RNF31: variants seen among roughly 807,000 people sequenced by gnomAD.
RNF31 encodes the protein E3 ubiquitin-protein ligase RNF31.
RNF31 carries 38 observed loss-of-function variants against 133.6 expected under a neutral mutation model. The observed-to-expected ratio is 0.28, with a 90% CI of 0.22 to 0.37. The LOEUF (loss-of-function observed/expected upper bound fraction) is 0.37. Ranked by LOEUF, RNF31 falls within the 10% of genes least tolerant of loss-of-function variation. The probability of loss-of-function intolerance (pLI) is 1.00; values close to 1 mark genes in which losing one functional copy is unlikely to be tolerated. For synonymous variants in RNF31, 582 were observed against 552.3 expected (o/e 1.05, Z -0.75); for missense variants, 1,118 against 1,394.1 (o/e 0.80, Z 3.15).
rs2038267948 is a variant in RNF31 at position 24,151,613 on chromosome 14, G to C, written c.1866G>C (p.Gln622His). Reference sequence around the variant, plus strand: ...GCCAACGCCTAGAGCCCTTCCGCCAGCGCCTCTGGGACAGTGGCCCTGAGC... The same window carrying C: ...GCCAACGCCTAGAGCCCTTCCGCCACCGCCTCTGGGACAGTGGCCCTGAGC... ...LQRQRLEPFR[Q>H]RLWDSGPEPT... Residue 622 changes from glutamine (Q) to histidine (H), a missense_variant, in exon 10 of 21, where the codon CAG becomes CAC. Physicochemically the swap from Gln to His is conservative, Grantham distance 24. Transcript: ENST00000324103. The surrounding 1 kb of genome is among the most constrained non-coding windows in gnomAD (Gnocchi z 5.3). 8.7e-6 allele frequency: 14 copies of C among 1,613,594 alleles called. No individual in the cohort carries two copies. In the East Asian group the frequency reaches 3.1e-4, roughly 36 times the overall value.
chr14:24,160,285 C>G lies in RNF31; in HGVS notation c.3043C>G (p.Leu1015Val). 1 of 1,614,182 alleles carries G rather than the reference C, an allele frequency of 6.2e-7. No homozygotes were observed. The highest frequency in any genetic ancestry group is 8.5e-7 in the Non-Finnish European group (1 of 1,180,032). ...YLVSLINAHS[L>V]DPATLYEVEE... is the part of the protein sequence containing the mutation. ...TGTGAGCCTCATCAATGCCCACTCG[C>G]TGGACCCAGCCACCTTGTATGAGGT... The change falls in exon 20 of 21, where the codon CTG becomes GTG. Residue 1015 changes from leucine (L) to valine (V), a missense_variant. Physicochemically the swap from Leu to Val is conservative, Grantham distance 32 (BLOSUM62 1). Around this residue, in one of 3 missense-constraint regions of RNF31, gnomAD observed 170 missense variants for 194.5 expected, o/e 0.87. Coordinates refer to ENST00000324103, the MANE Select transcript of RNF31 (RefSeq NM_017999.5). The surrounding 1 kb of genome is among the most constrained non-coding windows in gnomAD (Gnocchi z 4.0).
Position 24,151,271 on chromosome 14 carries a change from C to T in RNF31, c.1629C>T (p.Asp543=). The change falls in exon 9 of 21, where the codon GAC becomes GAT. Residue 543 remains aspartate, a synonymous_variant. Transcript: ENST00000324103. This position sits in a 1 kb window ranked among gnomAD's most constrained non-coding sequence, Gnocchi z 5.3. The stretch of plus-strand genomic sequence containing the variant: ...TGGCTGAGCTGGCTGGACAGCAGGA[C>T]CCTGGGCTGGGTGCCTTTTCCTGTC... ...EMVAELAGQQ[D]PGLGAFSCQE... 1.2e-6 allele frequency: 2 copies of T among 1,614,204 alleles called. No homozygotes were observed. The highest frequency in any genetic ancestry group is 1.1e-5 in the South Asian group (1 of 91,088).
In RNF31 at chr14:24,157,369, A is replaced by G; in HGVS notation, c.2573A>G (p.Gln858Arg). The G allele has an allele frequency of 6.2e-7, 1 of 1,611,982 alleles. No individual in the cohort carries two copies. The highest frequency in any genetic ancestry group is 8.5e-7 in the Non-Finnish European group (1 of 1,178,234). ...ATGAACGACCCAGAATACCAGGCCC[A>G]GGGCCTAGCAATGTATCTTCAGGAA... ...KRMNDPEYQA[Q>R]GLAMYLQENG... Residue 858 changes from glutamine to arginine, a missense_variant, in exon 15 of 21, where the codon CAG (glutamine) becomes CGG (arginine). Physicochemically the swap from Gln to Arg is conservative, Grantham distance 43. Coordinates refer to ENST00000324103, the MANE Select transcript of RNF31 (RefSeq NM_017999.5).
chr14:24,150,730 G>GC lies in RNF31; in HGVS notation c.1336dup (p.Arg446ProfsTer21), dbSNP rs758350558. The GC allele has an allele frequency of 6.2e-7, 1 of 1,613,030 alleles. No homozygotes were observed. Among genetic ancestry groups the GC allele is most frequent in the Non-Finnish European group, 8.5e-7 (1 of 1,179,674 alleles). ...TAGTAGCCCCATTCCAGCACAACAT[G>GC]CCCCCCGGCCCTATGCCAGCTCTTT... On this transcript the variant is annotated frameshift_variant, in exon 8 of 21. Transcript: ENST00000324103. LOFTEE classifies it high-confidence loss of function.
In RNF31 at chr14:24,160,300, T is replaced by G. The variant is rs757770815; in HGVS notation, c.3058T>G (p.Leu1020Val). 1.9e-6 allele frequency: 3 copies of G among 1,614,178 alleles called. No homozygotes were observed. The highest frequency in any genetic ancestry group is 2.5e-6 in the Non-Finnish European group (3 of 1,180,014). The change falls in exon 20 of 21, where the codon TTG (leucine) becomes GTG (valine). Residue 1020 changes from leucine to valine, a missense_variant. Leu to Val is a conservative substitution (Grantham distance 32). Transcript: ENST00000324103. The surrounding 1 kb of genome is among the most constrained non-coding windows in gnomAD (Gnocchi z 4.0). ...TGCCCACTCGCTGGACCCAGCCACCTTGTATGAGGTGGAAGAGCTGGAGAC... is the reference window on the plus strand; with the variant it reads ...TGCCCACTCGCTGGACCCAGCCACCGTGTATGAGGTGGAAGAGCTGGAGAC... The part of the protein sequence containing the change: ...INAHSLDPAT[L>V]YEVEELETAT...
rs534130315 is a variant in RNF31, at chr14:24,159,111, G to A, written c.2900-753G>A. Among the ~76,000 whole-genome samples the A allele has an allele frequency of 1.3e-3, 189 of 149,514 alleles. 4 individuals carry two copies. The highest frequency in any genetic ancestry group is 0.012 in the Admixed American group (181 of 14,948). On this transcript the variant is annotated intron_variant, in intron 18 of 20. Coordinates refer to ENST00000324103, the MANE Select transcript of RNF31 (RefSeq NM_017999.5). The stretch of plus-strand genomic sequence containing the variant: ...TGTAATCTCAGCACTTTGGGAGGCC[G>A]AGGCAGGTGGATCACCTGACGTCAG...
intron 14 of RNF31, among the ~76,000 whole-genome samples, chr14:24,156,528 C>T (rs1241301453): frequency 3.3e-5 from 5 of 152,084 alleles, no homozygotes; most frequent in African/African-American, 4.8e-5. Context: ...GCCTGTAATC[C>T]CAGCACTTTG....
At chr14:24,158,289 C>T in intron 18 of RNF31, 90 bp downstream of exon 18, 1 of 1,241,464 alleles carries the variant, frequency 8.1e-7, no homozygotes. Flanking sequence ...GGTCTGGGGT[C>T]ACTTGTTGCA....
intron 5 of RNF31, chr14:24,149,151 T>C (rs2038225099): frequency 1.0e-5 from 6 of 593,358 alleles, no homozygotes; most frequent in South Asian, 2.1e-5. Context: ...TTGGTAGAGA[T>C]GGGGTTTCTC....
rs767697731 is a variant in RNF31 at position 24,155,343 on chromosome 14, C to T, written c.2304+13C>T. The T allele has an allele frequency of 4.3e-6, 7 of 1,614,184 alleles. No homozygotes were observed. The highest frequency in any genetic ancestry group is 3.3e-5 in the South Asian group (3 of 91,082). ...CCTTGACATCCAGGTACTGCAGCCCCTCTAGGACTCAGGTACCCTGAGCTT... is the reference window on the plus strand; with the variant it reads ...CCTTGACATCCAGGTACTGCAGCCCTTCTAGGACTCAGGTACCCTGAGCTT... On this transcript the variant is annotated intron_variant, in intron 12 of 20. Coordinates refer to ENST00000324103, the MANE Select transcript of RNF31 (RefSeq NM_017999.5). This position sits in a 1 kb window ranked among gnomAD's most constrained non-coding sequence, Gnocchi z 4.9.
chr14:24,149,963 G>C, intron 6 of RNF31, 98 bp from the exon 7 acceptor site: 1 of 1,396,792 alleles, frequency 7.2e-7, no homozygotes, highest in Non-Finnish European at 9.6e-7. Flanking sequence ...AAAGGCCAGT[G>C]ACATGAGTTG....
chr14:24,151,604 C>T lies in RNF31; in HGVS notation c.1857C>T (p.Pro619=), dbSNP rs1377649287. Residue 619 remains proline, a synonymous_variant, in exon 10 of 21, where the codon CCC becomes CCT. Transcript: ENST00000324103. This position sits in a 1 kb window ranked among gnomAD's most constrained non-coding sequence, Gnocchi z 5.3. The part of the protein sequence containing the change: ...LTELQRQRLE[P]FRQRLWDSGP... Reference sequence around the variant, plus strand: ...AGCTACAGCGCCAACGCCTAGAGCCCTTCCGCCAGCGCCTCTGGGACAGTG... The same window carrying T: ...AGCTACAGCGCCAACGCCTAGAGCCTTTCCGCCAGCGCCTCTGGGACAGTG... 1.2e-6 allele frequency: 2 copies of T among 1,613,836 alleles called. No individual in the cohort carries two copies. The highest frequency in any genetic ancestry group is 1.1e-5 in the South Asian group (1 of 91,088).
chr14:24,160,022 C>T lies in RNF31; in HGVS notation c.2996+62C>T, dbSNP rs764275774. 2 of 1,522,278 alleles carry T rather than the reference C, an allele frequency of 1.3e-6. No individual in the cohort carries two copies. The highest frequency in any genetic ancestry group is 1.8e-6 in the Non-Finnish European group (2 of 1,107,608). 94.3% of individuals were successfully genotyped at this position (1,522,278 alleles called of 1,614,324 possible). A position where few individuals can be genotyped will look rare whatever the true frequency, so the allele number is the denominator to read the frequency against. On this transcript the variant is annotated intron_variant, in intron 19 of 20. Coordinates refer to ENST00000324103, the MANE Select transcript of RNF31 (RefSeq NM_017999.5). This position sits in a 1 kb window ranked among gnomAD's most constrained non-coding sequence, Gnocchi z 4.0. The stretch of plus-strand genomic sequence containing the variant: ...GTGGGTAGAAGTGGTGAGGGCATGC[C>T]CAGGCAGTAAAATGGGTCCTTGGGA...
At chr14:24,150,021 G>A (rs2038238453) in intron 6 of RNF31, 40 bp from the exon 7 acceptor site, 1 of 1,518,966 alleles carries the variant, frequency 6.6e-7, no homozygotes, top group African/African-American at 1.4e-5. Flanking sequence ...CCAGGCACCA[G>A]GTGCCACTTC....
chr14:24,158,782 A>AT (rs1231903221), intron 18 of RNF31: 8 of 152,232 alleles, frequency 5.3e-5, no homozygotes, highest in African/African-American at 1.7e-4. Context: ...CATGCCTGTA[A>AT]TCCCAGCACT....
chr14:24,148,205 G>C (rs924599380), intron 2 of RNF31, 53 bp from the exon 3 acceptor site: 9 of 1,613,644 alleles, frequency 5.6e-6, no homozygotes, highest in Non-Finnish European at 6.8e-6. Flanking sequence ...AAGGGGTCCA[G>C]CCCTACTAGG....
In RNF31 at chr14:24,148,014, C is replaced by T. The variant is rs1334855933; in HGVS notation, c.231C>T (p.Asn77=). The change falls in exon 2 of 21, where the codon AAC becomes AAT. Residue 77 remains asparagine (N), a synonymous_variant. Transcript: ENST00000324103. ...TCAACACCCTGTCCACGGCTCTGAA[C>T]ATCCTGGAGAAATACGGCCGCAACC... The part of the protein sequence containing the change: ...NYLNTLSTAL[N]ILEKYGRNLL... 4 of 1,614,138 alleles carry T rather than the reference C, an allele frequency of 2.5e-6. No individual in the cohort carries two copies. Among genetic ancestry groups the T allele is most frequent in the South Asian group, 2.2e-5 (2 of 91,094 alleles).
intron 18 of RNF31, among the ~76,000 whole-genome samples, chr14:24,158,988 G>A (rs1187766691): frequency 5.2e-5 from 7 of 135,000 alleles, no homozygotes; most frequent in South Asian, 4.6e-4. Context: ...AGCAGAGATG[G>A]CGCCACCGCA....
chr14:24,155,665 G>T lies in RNF31; in HGVS notation c.2466G>T (p.Gln822His). ...QLEATCPQCH[Q>H]TFCVRCKRQW... ...AGGCAACTTGTCCCCAGTGTCACCA[G>T]ACCTTCTGTGTGCGCTGCAAGCGCC... The change falls in exon 14 of 21, where the codon CAG (glutamine) becomes CAT (histidine). Residue 822 changes from glutamine to histidine, a missense_variant. Physicochemically the swap from Gln to His is conservative, Grantham distance 24. This residue lies in a region of RNF31 where 201 missense variants were observed against 371.7 expected (regional missense o/e 0.54). Coordinates refer to ENST00000324103, the MANE Select transcript of RNF31 (RefSeq NM_017999.5). This position sits in a 1 kb window ranked among gnomAD's most constrained non-coding sequence, Gnocchi z 4.9. 1 of 1,614,156 alleles carries T rather than the reference G, an allele frequency of 6.2e-7. No individual in the cohort carries two copies. Among genetic ancestry groups the T allele is most frequent in the South Asian group, 1.1e-5 (1 of 91,066 alleles).
Sources: allele counts gnomAD v4.1 joint callset (sites outside exome capture counted in the v4.1 genomes callset), GRCh38; gene constraint gnomAD v4.1.1; regional missense constraint gnomAD v4.1.1; non-coding constraint Gnocchi (gnomAD v3.1); transcripts MANE v1.5; gene names NCBI Gene and HGNC (gene_info 2026-07-23, HGNC 2026-07-21).